BEAN1: variants seen among roughly 807,000 people sequenced by gnomAD.
The protein encoded by BEAN1 is brain expressed associated with NEDD4 1.
In BEAN1, 17 loss-of-function variants were observed where a neutral mutation model predicts 17.7. The observed-to-expected ratio is 0.96, with a 90% CI of 0.66 to 1.44. The LOEUF (loss-of-function observed/expected upper bound fraction) is 1.44. Ranked by LOEUF, BEAN1 falls within the 40% of genes most tolerant of loss-of-function variation. BEAN1 has a pLI of 0.00. For synonymous variants in BEAN1, 142 were observed against 151.8 expected (o/e 0.94, Z 0.47); for missense variants, 359 against 374.1 (o/e 0.96, Z 0.33).
At chr16:66,457,421 C>T (rs1962913526) in intron 2 of BEAN1, among the ~76,000 whole-genome samples, 1 of 152,030 alleles carries the variant, frequency 6.6e-6, no homozygotes, top group South Asian at 2.1e-4. Context: ...TGTAATCTGC[C>T]CCGCTCCCAA....
chr16:66,435,996 C>T (rs1384301210), intron 1 of BEAN1, among the ~76,000 whole-genome samples: 1 of 152,066 alleles, frequency 6.6e-6, no homozygotes, highest in Non-Finnish European at 1.5e-5. Context: ...GGGATATATA[C>T]CCCCTCATGA....
chr16:66,492,981 C>T (rs1239562436), exon 5 of BEAN1: 9 of 702,842 alleles, frequency 1.3e-5, no homozygotes, highest in Middle Eastern at 2.3e-4. Flanking sequence ...GGGAGCTTTA[C>T]CTACTGGGTG....
chr16:66,438,933 T>C (rs1962140879), intron 2 of BEAN1, among the ~76,000 whole-genome samples: 1 of 152,072 alleles, frequency 6.6e-6, no homozygotes, highest in African/African-American at 2.4e-5. Flanking sequence ...GGGGACACTT[T>C]CCCCTCTCCC....
At chr16:66,442,980 G>A (rs1962315813) in intron 2 of BEAN1, among the ~76,000 whole-genome samples, 1 of 152,208 alleles carries the variant, frequency 6.6e-6, no homozygotes, top group Admixed American at 6.5e-5. Flanking sequence ...ACCAATAGAA[G>A]AAAGGACTTG....
At position 66,445,293 on chromosome 16, in the gene BEAN1, G is replaced by A. The variant is rs542841628; in HGVS notation, c.25+7592G>A. On this transcript the variant is annotated intron_variant, in intron 2 of 4. Coordinates refer to ENST00000536005, the MANE Select transcript of BEAN1 (RefSeq NM_001178020.3). ...AGATTGAGACCATCCTGGCTAACAC[G>A]ATGAAACCCTGTCTCTACTAAAAAT... Among the ~76,000 whole-genome samples, 9 of 151,814 alleles carry A rather than the reference G, an allele frequency of 5.9e-5. No homozygotes were observed. In the East Asian group the frequency reaches 1.6e-3, roughly 26 times the overall value.
At chr16:66,476,109 CAAAA>C (rs543784605) in intron 3 of BEAN1, among the ~76,000 whole-genome samples, 1 of 83,276 alleles carries the variant, frequency 1.2e-5, no homozygotes. Context: ...GACTCCGTCT[CAAAA>C]AAAAAAAAAA....
chr16:66,494,629 T>C (rs149716720), downstream of BEAN1, among the ~76,000 whole-genome samples: 57 of 152,300 alleles, frequency 3.7e-4, no homozygotes, highest in East Asian at 9.7e-3. Context: ...AAAGAGGGCA[T>C]AGATGTGTAG....
intron 4 of BEAN1, among the ~76,000 whole-genome samples, chr16:66,488,201 A>C (rs1964114945): frequency 6.6e-6 from 1 of 151,546 alleles, no homozygotes; most frequent in Non-Finnish European, 1.5e-5. Context: ...ACCAAAAGCA[A>C]TAGAAGAATC....
chr16:66,479,050 T>C (rs1025549396), intron 4 of BEAN1: 2 of 152,306 alleles, frequency 1.3e-5, no homozygotes, highest in African/African-American at 4.8e-5. Context: ...GTTGATGCTC[T>C]CAGGCATGTC....
chr16:66,480,086 G>A lies in BEAN1; in HGVS notation c.441-500G>A, dbSNP rs941462399. Among the ~76,000 whole-genome samples the A allele has an allele frequency of 3.9e-5, 6 of 152,282 alleles. No homozygotes were observed. The East Asian group carries it at 7.7e-4, about 20-fold the overall frequency. ...TTCCACCTTCACCCCTGCCCCAGGG[G>A]CTCGAGCAGGGGTGGTGCTGCCAGT... On this transcript the variant is annotated intron_variant, in intron 4 of 4. Coordinates refer to ENST00000536005, the MANE Select transcript of BEAN1 (RefSeq NM_001178020.3).
At chr16:66,441,903 G>A (rs751767988) in intron 2 of BEAN1, among the ~76,000 whole-genome samples, 32 of 152,096 alleles carry the variant, frequency 2.1e-4, no homozygotes, top group South Asian at 4.2e-4. Context: ...CCTCAACACC[G>A]TCTTACTTTC....
At chr16:66,462,036 GTC>G (rs1159101271) in intron 2 of BEAN1, among the ~76,000 whole-genome samples, 1 of 152,210 alleles carries the variant, frequency 6.6e-6, no homozygotes, top group Non-Finnish European at 1.5e-5. Flanking sequence ...AGGATGCTGA[GTC>G]TGCCTTCTGA....
At chr16:66,453,248 A>G (rs773883572) in intron 2 of BEAN1, among the ~76,000 whole-genome samples, 1 of 152,060 alleles carries the variant, frequency 6.6e-6, no homozygotes, top group African/African-American at 2.4e-5. Context: ...CTTTTCTAAT[A>G]TAAGTATTTA....
At chr16:66,462,121 G>A (rs1321019628) in intron 2 of BEAN1, among the ~76,000 whole-genome samples, 1 of 152,216 alleles carries the variant, frequency 6.6e-6, no homozygotes, top group African/African-American at 2.4e-5. Flanking sequence ...GTGGTGGCAG[G>A]TATGCTATAG....
chr16:66,428,723 G>A (rs1961678675), intron 1 of BEAN1, among the ~76,000 whole-genome samples: 1 of 152,134 alleles, frequency 6.6e-6, no homozygotes. Flanking sequence ...CAATTGTGGT[G>A]GGCTACAGGT....
Position 66,473,868 on chromosome 16 carries a change from C to T in BEAN1, c.290-3692C>T, listed in dbSNP as rs532976738. On this transcript the variant is annotated intron_variant, in intron 3 of 4. Transcript: ENST00000536005. The surrounding 1 kb of genome is among the most constrained non-coding windows in gnomAD (Gnocchi z 4.5). ...GGCCTCTCTCCCACCCCTCTGGCTG[C>T]GGATTCCTCTCCTCTGTCCCTTTAT... Among the ~76,000 whole-genome samples the T allele has an allele frequency of 1.3e-5, 2 of 152,232 alleles. No homozygotes were observed. The highest frequency in any genetic ancestry group is 2.1e-4 in the South Asian group (1 of 4,812).
chr16:66,457,378 T>C (rs977440771), intron 2 of BEAN1, among the ~76,000 whole-genome samples: 1 of 152,106 alleles, frequency 6.6e-6, no homozygotes, highest in Non-Finnish European at 1.5e-5. Context: ...GATGAATAGG[T>C]ATATGACTTC....
chr16:66,431,330 G>A lies in BEAN1; in HGVS notation c.-83+3899G>A, dbSNP rs557025616. On this transcript the variant is annotated intron_variant, in intron 1 of 4. Coordinates refer to ENST00000536005, the MANE Select transcript of BEAN1 (RefSeq NM_001178020.3). Reference sequence around the variant, plus strand: ...ACCCCACAACTTCTAATGAATTAACGATCACTGACTTATTCACTTAATTGC... The same window carrying A: ...ACCCCACAACTTCTAATGAATTAACAATCACTGACTTATTCACTTAATTGC... 2.6e-3 allele frequency among the ~76,000 whole-genome samples: 399 copies of A among 152,260 alleles called. 4 individuals are homozygous for A. The highest frequency in any genetic ancestry group is 4.5e-3 in the Non-Finnish European group (306 of 68,024).
At chr16:66,432,346 C>A (rs1012207149) in intron 1 of BEAN1, among the ~76,000 whole-genome samples, 13 of 152,316 alleles carry the variant, frequency 8.5e-5, no homozygotes, top group Middle Eastern at 3.4e-3. Context: ...ACATGAAGAC[C>A]TTCCTGGGAC....
Sources: gnomAD v4.1 joint callset for allele counts (sites outside exome capture counted in the v4.1 genomes callset) on GRCh38, gnomAD v4.1.1 for gene constraint, Gnocchi (gnomAD v3.1) non-coding constraint, MANE v1.5 for transcripts, NCBI Gene and HGNC (gene_info 2026-07-23, HGNC 2026-07-21) for gene names.